Variants in SPTBN5 observed in about 807,000 individuals in gnomAD.
The protein encoded by SPTBN5 is spectrin beta chain, non-erythrocytic 5.
Under a neutral mutation model 477.6 loss-of-function variants are expected in SPTBN5, and 513 were observed. The ratio of observed to expected loss-of-function variants is 1.07; its 90% CI spans 1.00 to 1.16. The LOEUF (loss-of-function observed/expected upper bound fraction) is 1.16, where lower values mean the gene tolerates loss of function less well. Ranked by LOEUF, SPTBN5 falls within the 50% of genes most tolerant of loss-of-function variation. The pLI, the probability that SPTBN5 is intolerant of heterozygous loss-of-function variation, is 0.00. For synonymous variants in SPTBN5, 2,169 were observed against 2,011.7 expected (o/e 1.08, Z -2.09); for missense variants, 5,062 against 4,731.8 (o/e 1.07, Z -2.05).
At chr15:41,880,915 G>T in intron 13 of SPTBN5, 119 bp downstream of exon 13, 1 of 884,012 alleles carries the variant, frequency 1.1e-6, no homozygotes, top group Non-Finnish European at 1.7e-6. Flanking sequence ...TCTCAGCCAT[G>T]ATAAAAGCTC....
In SPTBN5 at chr15:41,861,765, C is replaced by A; in HGVS notation, c.7707G>T (p.Gln2569His). Residue 2569 changes from glutamine to histidine, a missense_variant, in exon 45 of 68, where the codon CAG becomes CAT. Gln to His is a conservative substitution (Grantham distance 24). Coordinates refer to ENST00000320955, the MANE Select transcript of SPTBN5 (RefSeq NM_016642.4). ...SSLEGAWQEH[Q>H]LQLQQALELQ... ...GCTCCAGGGCCTGCTGCAGCTGTAG[C>A]TGATGCTCCTGCCAGGCCCCTTCCA... 1 of 1,553,102 alleles carries A rather than the reference C, an allele frequency of 6.4e-7. No individual in the cohort carries two copies. The highest frequency in any genetic ancestry group is 8.7e-7 in the Non-Finnish European group (1 of 1,153,144).
At chr15:41,862,493 G>C (rs1219704182) in intron 43 of SPTBN5, 46 bp downstream of exon 43, 1 of 1,568,426 alleles carries the variant, frequency 6.4e-7, no homozygotes, top group Non-Finnish European at 8.7e-7. Flanking sequence ...TGGGGACTGA[G>C]ATGCTGGAGG....
In SPTBN5 at chr15:41,848,410, G is replaced by T. The variant is rs1193104687; in HGVS notation, c.*206C>A. Reference sequence around the variant, plus strand: ...CCTCTTCACCCAGACAGGAATGCAGGGGGAGGCCAGGCAATGGCTGTTTCC... The same window carrying T: ...CCTCTTCACCCAGACAGGAATGCAGTGGGAGGCCAGGCAATGGCTGTTTCC... On this transcript the variant is annotated 3_prime_UTR_variant, in exon 68 of 68. Transcript: ENST00000320955. 1.6e-6 allele frequency: 1 copy of T among 644,254 alleles called. No homozygotes were observed. The highest frequency in any genetic ancestry group is 2.8e-6 in the Non-Finnish European group (1 of 354,418). The allele number at this position is 644,254 out of a possible 1,614,324, so 39.9% of individuals were successfully genotyped here.
Position 41,854,052 on chromosome 15 carries a change from C to A in SPTBN5, c.9772G>T (p.Glu3258Ter). 2 of 1,562,582 alleles carry A rather than the reference C, an allele frequency of 1.3e-6. No individual in the cohort carries two copies. Among genetic ancestry groups the A allele is most frequent in the Non-Finnish European group, 1.7e-6 (2 of 1,157,728 alleles). The change falls in exon 57 of 68, where the codon GAG (glutamate) becomes TAG (stop). Residue 3258 changes from glutamate (E) to a stop codon, truncating the protein, a stop_gained and splice_region_variant. Coordinates refer to ENST00000320955, the MANE Select transcript of SPTBN5 (RefSeq NM_016642.4). LOFTEE classifies it high-confidence loss of function. The part of the protein sequence containing the change: ...RTLQQQHRRL[E>*]RELEAMEKEV... ...AGGCTGCAGGGCGTGGGCCTCACCT[C>A]CAGGCGCCTGTGCTGTTGCTGCAGG...
In SPTBN5 at chr15:41,868,089, C is replaced by T. The variant is rs764371353; in HGVS notation, c.6187G>A (p.Glu2063Lys). The T allele has an allele frequency of 6.4e-5, 103 of 1,604,140 alleles. 1 individual carries two copies. The South Asian group carries it at 1.1e-3, about 16-fold the overall frequency. Reference protein sequence around the residue: ...LFLRECGRLEEILAAQEVSLK... With the variant: ...LFLRECGRLEKILAAQEVSLK... ...CCTGCCTCCTGGGCCGCGAGGATCT[C>T]CTCCAGGCGGCCGCACTCTCTGAGG... The change falls in exon 34 of 68, where the codon GAG (glutamate) becomes AAG (lysine). Residue 2063 changes from glutamate (E) to lysine (K), a missense_variant. Glu to Lys is a moderately conservative substitution (Grantham distance 56, BLOSUM62 1). Coordinates refer to ENST00000320955, the MANE Select transcript of SPTBN5 (RefSeq NM_016642.4).
rs532402905 is a variant in SPTBN5, at chr15:41,852,948, G to T, written c.10223C>A (p.Ala3408Asp). ...LEGRLQELEE[A>D]WALRWQRCAE... Reference sequence around the variant, plus strand: ...ACAGCGTTGCCAGCGCAGGGCCCAAGCCTCCTCCAGCTCCTGCAGCCGCCC... The same window carrying T: ...ACAGCGTTGCCAGCGCAGGGCCCAATCCTCCTCCAGCTCCTGCAGCCGCCC... The change falls in exon 60 of 68, where the codon GCT (alanine) becomes GAT (aspartate). Residue 3408 changes from alanine to aspartate, a missense_variant. Coordinates refer to ENST00000320955, the MANE Select transcript of SPTBN5 (RefSeq NM_016642.4). The T allele has an allele frequency of 3.2e-6, 5 of 1,576,832 alleles. No homozygotes were observed. The South Asian group carries it at 5.7e-5, about 18-fold the overall frequency.
In SPTBN5 at chr15:41,868,069, C is replaced by T. The variant is rs1340219602; in HGVS notation, c.6207G>A (p.Glu2069=). The change falls in exon 34 of 68, where the codon GAG becomes GAA. Residue 2069 remains glutamate, a splice_region_variant and synonymous_variant. Coordinates refer to ENST00000320955, the MANE Select transcript of SPTBN5 (RefSeq NM_016642.4). ...AGTGTGAGGGCGGGAGGGGACCTGC[C>T]TCCTGGGCCGCGAGGATCTCCTCCA... is the stretch of plus-strand genomic sequence containing the variant. ...GRLEEILAAQ[E]VSLKTSALGS... is the part of the protein sequence containing the mutation. The T allele has an allele frequency of 2.7e-5, 43 of 1,599,700 alleles. No individual in the cohort carries two copies. The highest frequency in any genetic ancestry group is 3.7e-5 in the Non-Finnish European group (43 of 1,177,008).
intron 39 of SPTBN5, 104 bp downstream of exon 39, chr15:41,865,704 A>G: frequency 1.9e-6 from 2 of 1,058,662 alleles, no homozygotes; most frequent in Admixed American, 4.7e-5. Flanking sequence ...AGGAGCAGGC[A>G]TGGCGCCCAC....
rs2065945985 is a variant in SPTBN5 at position 41,857,032 on chromosome 15, T to G, written c.8629A>C (p.Ser2877Arg). The change falls in exon 52 of 68, where the codon AGC becomes CGC. Residue 2877 changes from serine to arginine, a missense_variant. Ser to Arg is a moderately radical substitution (Grantham distance 110). Transcript: ENST00000320955. ...QARRLLQRFK[S>R]LREPLQERRT... ...CGCTCCTGCAGGGGCTCCCTCAGGC[T>G]CTTGAACCTGCAGCGGTGGAGGGTG... The G allele has an allele frequency of 1.9e-6, 3 of 1,602,374 alleles. No homozygotes were observed. Among genetic ancestry groups the G allele is most frequent in the Non-Finnish European group, 2.6e-6 (3 of 1,175,214 alleles).
chr15:41,890,343 G>A, intron 3 of SPTBN5, 138 bp from the exon 4 acceptor site: 1 of 652,440 alleles, frequency 1.5e-6, no homozygotes, highest in Non-Finnish European at 2.8e-6. Flanking sequence ...CCCTCAGGGA[G>A]AAGCAGGCAG....
rs1374758648 is a variant in SPTBN5 at position 41,852,985 on chromosome 15, G to A, written c.10186C>T (p.Gln3396Ter). The A allele has an allele frequency of 1.3e-6, 2 of 1,546,688 alleles. No individual in the cohort carries two copies. Among genetic ancestry groups the A allele is most frequent in the Non-Finnish European group, 1.7e-6 (2 of 1,145,906 alleles). ...FMSAEVTECL[Q>*]ELEGRLQELE... ...TCCTGCAGCCGCCCTTCCAGCTCCT[G>A]CAGGCACTCTGTCACCTGGTGGGGA... Residue 3396 changes from glutamine to a stop codon, truncating the protein, a stop_gained, in exon 60 of 68, where the codon CAG becomes TAG. Coordinates refer to ENST00000320955, the MANE Select transcript of SPTBN5 (RefSeq NM_016642.4). LOFTEE classifies it high-confidence loss of function.
rs2066340222 is a variant in SPTBN5 at position 41,866,942 on chromosome 15, TG to T, written c.6480+16del. 1.9e-6 allele frequency: 3 copies of T among 1,564,246 alleles called. No homozygotes were observed. Among genetic ancestry groups the T allele is most frequent in the African/African-American group, 1.4e-5 (1 of 73,984 alleles). ...GTGGTTCCAGTGGAAGGCCCTGGGC[TG>T]GGGGTGCCCTCTGACCTGGGTTGCG... On this transcript the variant is annotated intron_variant, in intron 36 of 67. Transcript: ENST00000320955.
intron 20 of SPTBN5, 118 bp downstream of exon 20, chr15:41,876,430 T>G: frequency 7.5e-7 from 1 of 1,329,710 alleles, no homozygotes; most frequent in Non-Finnish European, 1.0e-6. Flanking sequence ...ACAGAAGGTG[T>G]TGAGAGGATG....
intron 67 of SPTBN5, 151 bp downstream of exon 67, chr15:41,849,718 T>G (rs1264527891): frequency 1.6e-6 from 1 of 632,378 alleles, no homozygotes; most frequent in African/African-American, 1.8e-5. Flanking sequence ...CAGCTGAGAG[T>G]GGGCAGGGGC....
intron 48 of SPTBN5, 45 bp from the exon 49 acceptor site, chr15:41,858,793 T>C (rs758234770): frequency 1.9e-6 from 3 of 1,585,864 alleles, no homozygotes; most frequent in Non-Finnish European, 2.6e-6. Context: ...GGCTTTCCCC[T>C]TCCCCTGACC....
intron 3 of SPTBN5, 114 bp from the exon 4 acceptor site, chr15:41,890,319 C>T: frequency 1.4e-6 from 1 of 713,920 alleles, no homozygotes; most frequent in Admixed American, 2.2e-5. Flanking sequence ...TCTATCCTGC[C>T]CCAGCTGGGA....
Position 41,862,665 on chromosome 15 carries a change from G to A in SPTBN5, c.7264-5C>T, listed in dbSNP as rs537759129. 287 of 1,548,140 alleles carry A rather than the reference G, an allele frequency of 1.9e-4. No individual in the cohort carries two copies. The East Asian group carries it at 2.2e-3, about 12-fold the overall frequency. ...GCCCACTTCACGCTCTAGGGACTGC[G>A]GGGGAAGCCGGGGTCAGAGGCTGGG... On this transcript the variant is annotated splice_polypyrimidine_tract_variant and splice_region_variant and intron_variant, in intron 42 of 67. Transcript: ENST00000320955.
intron 35 of SPTBN5, 43 bp downstream of exon 35, chr15:41,867,495 A>G (rs1363968309): frequency 1.9e-6 from 3 of 1,584,580 alleles, no homozygotes; most frequent in Non-Finnish European, 1.7e-6. Flanking sequence ...CTCTCTCCCA[A>G]CCACCACACT....
chr15:41,852,595 C>CCCCACCAG (rs764960110), intron 61 of SPTBN5, 39 bp downstream of exon 61: 4 of 1,588,120 alleles, frequency 2.5e-6, no homozygotes, highest in Non-Finnish European at 3.5e-6. Context: ...GGGACTGTTC[C>CCCCACCAG]CCCACCAGCC....
Sources: gnomAD v4.1 joint callset for allele counts on GRCh38, gnomAD v4.1.1 for gene constraint, MANE v1.5 for transcripts, NCBI Gene and HGNC (gene_info 2026-07-23, HGNC 2026-07-21) for gene names.